ETV6: variants seen among roughly 807,000 people sequenced by gnomAD.
The protein encoded by ETV6 is transcription factor ETV6.
Under a neutral mutation model 51.1 loss-of-function variants are expected in ETV6, and 16 were observed. That is an observed-to-expected ratio of 0.31 (90% CI 0.21 to 0.48). The LOEUF is 0.48. Ranked by LOEUF, ETV6 falls within the 20% of genes least tolerant of loss-of-function variation. The pLI is 0.99. For missense variants in ETV6, 458 were observed against 594.8 expected (o/e 0.77, Z 2.39); for synonymous variants, 240 against 224.1 (o/e 1.07, Z -0.64).
At chr12:11,832,686 G>C (rs1946262012) in intron 2 of ETV6, among the ~76,000 whole-genome samples, 1 of 152,194 alleles carries the variant, frequency 6.6e-6, no homozygotes, top group Non-Finnish European at 1.5e-5. Flanking sequence ...CTTTAATAAG[G>C]TTGCTCTAAG....
intron 4 of ETV6, among the ~76,000 whole-genome samples, chr12:11,867,434 A>G (rs183270481): frequency 1.2e-4 from 18 of 152,332 alleles, no homozygotes; most frequent in African/African-American, 4.3e-4. Flanking sequence ...AGCTATTCCA[A>G]TGATGAGGCA....
In ETV6 at chr12:11,783,406, G is replaced by A. The variant is rs188305743; in HGVS notation, c.163+30827G>A. Reference sequence around the variant, plus strand: ...CCAGTAAGCACAATTTCTGTGGCGGGGAGAGGCAGGTGGAAACCTGATTGC... The same window carrying A: ...CCAGTAAGCACAATTTCTGTGGCGGAGAGAGGCAGGTGGAAACCTGATTGC... On this transcript the variant is annotated intron_variant, in intron 2 of 7. Transcript: ENST00000396373. Among the ~76,000 whole-genome samples the A allele has an allele frequency of 2.0e-5, 3 of 152,282 alleles. No homozygotes were observed. In the East Asian group the frequency reaches 5.8e-4, roughly 29 times the overall value.
chr12:11,876,689 T>C (rs1946990038), intron 5 of ETV6, among the ~76,000 whole-genome samples: 1 of 152,184 alleles, frequency 6.6e-6, no homozygotes, highest in Non-Finnish European at 1.5e-5. Context: ...GATTTACGTG[T>C]TCAAAGGCCA....
chr12:11,651,348 CTG>C (rs1863903065), intron 1 of ETV6, among the ~76,000 whole-genome samples: 1 of 152,170 alleles, frequency 6.6e-6, no homozygotes, highest in Non-Finnish European at 1.5e-5. Flanking sequence ...CAATTAGAGT[CTG>C]TGTAGGGGAA....
chr12:11,880,061 A>ATTTTTTT (rs2136577187), intron 5 of ETV6, among the ~76,000 whole-genome samples: 1 of 151,960 alleles, frequency 6.6e-6, no homozygotes, highest in African/African-American at 2.4e-5. Context: ...AGGAAAAAAA[A>ATTTTTTT]TCTATTGTGT....
intron 2 of ETV6, among the ~76,000 whole-genome samples, chr12:11,825,177 TA>T (rs1946135122): frequency 6.6e-6 from 1 of 152,024 alleles, no homozygotes; most frequent in African/African-American, 2.4e-5. Context: ...CAATCAGAAT[TA>T]GAAAAACTTC....
chr12:11,811,597 T>C lies in ETV6; in HGVS notation c.164-27543T>C, dbSNP rs150751732. On this transcript the variant is annotated intron_variant, in intron 2 of 7. Coordinates refer to ENST00000396373, the MANE Select transcript of ETV6 (RefSeq NM_001987.5). ...TTTTAAATCCCTTCCTGGATGCTTGTTTTAGTGATGATGGTGGTGGTGAGA... is the reference window on the plus strand; with the variant it reads ...TTTTAAATCCCTTCCTGGATGCTTGCTTTAGTGATGATGGTGGTGGTGAGA... Among the ~76,000 whole-genome samples the C allele has an allele frequency of 3.7e-4, 56 of 152,276 alleles. 1 individual carries two copies. Among genetic ancestry groups the C allele is most frequent in the Middle Eastern group, 6.8e-3 (2 of 294 alleles).
intron 2 of ETV6, among the ~76,000 whole-genome samples, chr12:11,807,824 G>T (rs2855746): frequency 0.029 from 4,478 of 152,266 alleles, 222 homozygotes; most frequent in African/African-American, 0.1. Context: ...TTGGAAAAAA[G>T]AATGTAGGTG....
chr12:11,791,319 C>T (rs957931058), intron 2 of ETV6, among the ~76,000 whole-genome samples: 6 of 152,080 alleles, frequency 3.9e-5, no homozygotes, highest in Non-Finnish European at 7.3e-5. Context: ...TTTGGGGGAA[C>T]GAGAACAGAG....
chr12:11,838,824 A>G (rs1027766577), intron 2 of ETV6, among the ~76,000 whole-genome samples: 3 of 152,260 alleles, frequency 2.0e-5, no homozygotes, highest in Non-Finnish European at 4.4e-5. Context: ...AAGACCTACC[A>G]TCCCTTAAAC....
At chr12:11,790,803 T>G (rs1008488478) in intron 2 of ETV6, among the ~76,000 whole-genome samples, 24 of 150,658 alleles carry the variant, frequency 1.6e-4, no homozygotes, top group Non-Finnish European at 3.1e-4. Context: ...TCAGCCTCCC[T>G]AGTAGCTGGG....
At chr12:11,668,510 A>G (rs1264809456) in intron 1 of ETV6, among the ~76,000 whole-genome samples, 1 of 152,126 alleles carries the variant, frequency 6.6e-6, no homozygotes, top group Non-Finnish European at 1.5e-5. Flanking sequence ...GCTGTAGAGG[A>G]ACAGCCTTTC....
At chr12:11,851,515 G>T (rs1418025647) in intron 3 of ETV6, among the ~76,000 whole-genome samples, 3 of 152,140 alleles carry the variant, frequency 2.0e-5, no homozygotes, top group African/African-American at 7.2e-5. Context: ...ACTAGGTTTG[G>T]ATTCAATGAA....
intron 1 of ETV6, among the ~76,000 whole-genome samples, chr12:11,736,358 T>C (rs1565504909): frequency 1.3e-5 from 2 of 152,140 alleles, no homozygotes; most frequent in Non-Finnish European, 2.9e-5. Flanking sequence ...AAACATTACA[T>C]AGATAATTAG....
intron 1 of ETV6, among the ~76,000 whole-genome samples, chr12:11,737,369 C>G (rs977808096): frequency 2.6e-5 from 4 of 152,198 alleles, no homozygotes; most frequent in African/African-American, 9.7e-5. Flanking sequence ...GTGTTCTCAA[C>G]ACGTTTATGC....
Position 11,775,227 on chromosome 12 carries a change from CA to C in ETV6, c.163+22649del, listed in dbSNP as rs1945303345. ...GCCGATGTCCCTAGGACTGTGGCCT[CA>C]GGAAGATGACTGGATGGCGGCAGCA... On this transcript the variant is annotated intron_variant, in intron 2 of 7. Coordinates refer to ENST00000396373, the MANE Select transcript of ETV6 (RefSeq NM_001987.5). 2.6e-5 allele frequency among the ~76,000 whole-genome samples: 4 copies of C among 152,326 alleles called. No homozygotes were observed. The South Asian group carries it at 8.3e-4, about 32-fold the overall frequency.
Position 11,866,729 on chromosome 12 carries a change from C to T in ETV6, c.464-2695C>T, listed in dbSNP as rs536962289. On this transcript the variant is annotated intron_variant, in intron 4 of 7. Transcript: ENST00000396373. The stretch of plus-strand genomic sequence containing the variant: ...CTGAACTCTGTCTCCACTGCAGTAG[C>T]CAGTAGCTGAGGTTTCCGCTTAGAT... Among the ~76,000 whole-genome samples, 399 of 152,318 alleles carry T rather than the reference C, an allele frequency of 2.6e-3. 1 individual carries two copies. Among genetic ancestry groups the T allele is most frequent in the African/African-American group, 9.2e-3 (382 of 41,570 alleles).
intron 1 of ETV6, among the ~76,000 whole-genome samples, chr12:11,718,545 C>T (rs1012825395): frequency 3.3e-5 from 5 of 150,742 alleles, no homozygotes; most frequent in Non-Finnish European, 5.9e-5. Flanking sequence ...GCAGGCGGAT[C>T]GCTTGAGCTC....
chr12:11,758,015 G>T (rs11054445), intron 2 of ETV6, among the ~76,000 whole-genome samples: 17,083 of 151,462 alleles, frequency 0.11, 1,296 homozygotes, highest in East Asian at 0.3. Context: ...GGCCCTGATG[G>T]GCCAGCTCTG....
Sources: gnomAD v4.1 joint callset for allele counts (sites outside exome capture counted in the v4.1 genomes callset) on GRCh38, gnomAD v4.1.1 for gene constraint, MANE v1.5 for transcripts, NCBI Gene and HGNC (gene_info 2026-07-23, HGNC 2026-07-21) for gene names.